The following LRMDA variants were observed in gnomAD, a reference collection of about 807,000 sequenced individuals.
The protein encoded by LRMDA is leucine-rich melanocyte differentiation-associated protein.
In LRMDA, 18 loss-of-function variants were observed where a neutral mutation model predicts 29.8. The ratio of observed to expected loss-of-function variants is 0.60; its 90% CI spans 0.42 to 0.90. The LOEUF (loss-of-function observed/expected upper bound fraction) is 0.90. Among genes scored for constraint, LRMDA ranks in the 40% least tolerant of loss-of-function variants. LRMDA has a pLI of 0.00. For missense variants in LRMDA, 273 were observed against 273.9 expected (o/e 1.00, Z 0.02); for synonymous variants, 125 against 109.4 (o/e 1.14, Z -0.89).
chr10:76,308,470 A>G (rs2579784), intron 5 of LRMDA, among the ~76,000 whole-genome samples: 108,566 of 152,076 alleles, frequency 0.71, 42,107 homozygotes, highest in Non-Finnish European at 0.9. Flanking sequence ...TTCCCCTCCC[A>G]AGACTACTTC....
chr10:75,598,091 A>G (rs561236104), intron 2 of LRMDA, among the ~76,000 whole-genome samples: 1 of 152,180 alleles, frequency 6.6e-6, no homozygotes, highest in East Asian at 1.9e-4. Context: ...CTTAAATGAC[A>G]CGTTGTTAGC....
intron 6 of LRMDA, among the ~76,000 whole-genome samples, chr10:76,397,491 C>T (rs973031175): frequency 6.6e-6 from 1 of 152,222 alleles, no homozygotes. Context: ...GGCCAACTGA[C>T]CACTTCATAA....
chr10:75,797,932 C>T (rs1340741637), intron 2 of LRMDA, among the ~76,000 whole-genome samples: 3 of 152,100 alleles, frequency 2.0e-5, no homozygotes, highest in Non-Finnish European at 2.9e-5. Context: ...ACATTTATGC[C>T]ATCAGTATAT....
intron 4 of LRMDA, among the ~76,000 whole-genome samples, chr10:76,055,551 C>T (rs751623122): frequency 6.6e-5 from 10 of 152,322 alleles, no homozygotes; most frequent in South Asian, 2.1e-4. Flanking sequence ...TCCACCTACT[C>T]GGCCTGGTGG....
rs535746111 is a variant in LRMDA, at chr10:76,015,379, G to A, written c.132-20629G>A. Among the ~76,000 whole-genome samples, 52 of 152,248 alleles carry A rather than the reference G, an allele frequency of 3.4e-4. No homozygotes were observed. The South Asian group carries it at 5.8e-3, about 17-fold the overall frequency. Reference sequence around the variant, plus strand: ...AAGCTCATTCACGTGATTGTGGGTGGGATTCGGTTCCACATGAAACTAAGG... The same window carrying A: ...AAGCTCATTCACGTGATTGTGGGTGAGATTCGGTTCCACATGAAACTAAGG... On this transcript the variant is annotated intron_variant, in intron 2 of 6. Transcript: ENST00000611255.
intron 3 of LRMDA, among the ~76,000 whole-genome samples, chr10:76,036,536 T>C (rs1848249634): frequency 6.6e-6 from 1 of 152,208 alleles, no homozygotes; most frequent in Admixed American, 6.5e-5. Context: ...TCCCGGGTAA[T>C]GCCGCCAAGC....
intron 5 of LRMDA, 40 bp from the exon 6 acceptor site, chr10:76,324,361 T>G: frequency 6.4e-7 from 1 of 1,559,522 alleles, no homozygotes; most frequent in Admixed American, 1.7e-5. Context: ...GTATTTGGTG[T>G]TTGGTGTTGC....
At chr10:76,507,058 G>A (rs371640128) in intron 6 of LRMDA, among the ~76,000 whole-genome samples, 18 of 152,008 alleles carry the variant, frequency 1.2e-4, no homozygotes, top group African/African-American at 2.2e-4. Context: ...AATTCCCACC[G>A]TAAGTATATG....
At chr10:75,575,956 A>G (rs1442983577) in intron 2 of LRMDA, among the ~76,000 whole-genome samples, 1 of 149,942 alleles carries the variant, frequency 6.7e-6, no homozygotes, top group African/African-American at 2.5e-5. Context: ...ACACCGAGCT[A>G]GCCACAGGAG....
At position 75,431,687 on chromosome 10, in the gene LRMDA, C is replaced by A. The variant is rs552998554; in HGVS notation, c.-38C>A. On this transcript the variant is annotated 5_prime_UTR_variant, in exon 1 of 7. Coordinates refer to ENST00000611255, the MANE Select transcript of LRMDA (RefSeq NM_001305581.2). ...CTCCCCGCTGCTGCCGCCGCGCCCCCGCGCTCCGTCCCGCGCGCCCGCAGC... is the reference window on the plus strand; with the variant it reads ...CTCCCCGCTGCTGCCGCCGCGCCCCAGCGCTCCGTCCCGCGCGCCCGCAGC... The A allele has an allele frequency of 2.2e-5, 28 of 1,280,590 alleles. No individual in the cohort carries two copies. The highest frequency in any genetic ancestry group is 2.5e-5 in the Non-Finnish European group (25 of 1,019,706). 79.3% of individuals were successfully genotyped at this position (1,280,590 alleles called of 1,614,324 possible).
At chr10:75,900,604 GC>G (rs1845654175) in intron 2 of LRMDA, among the ~76,000 whole-genome samples, 1 of 152,074 alleles carries the variant, frequency 6.6e-6, no homozygotes, top group South Asian at 2.1e-4. Context: ...GCAGTGCATT[GC>G]CCCCCAGCCC....
At chr10:76,209,300 GC>G (rs1402271712) in intron 5 of LRMDA, among the ~76,000 whole-genome samples, 1 of 152,044 alleles carries the variant, frequency 6.6e-6, no homozygotes, top group Non-Finnish European at 1.5e-5. Flanking sequence ...CCTCCTCACA[GC>G]CTCCTAGATA....
chr10:76,353,832 T>G (rs1231435990), intron 6 of LRMDA, among the ~76,000 whole-genome samples: 1 of 152,142 alleles, frequency 6.6e-6, no homozygotes, highest in East Asian at 1.9e-4. Flanking sequence ...TTCTGTTCCA[T>G]TACTTTGTAA....
At chr10:76,352,494 C>G (rs1841189652) in intron 6 of LRMDA, among the ~76,000 whole-genome samples, 1 of 152,076 alleles carries the variant, frequency 6.6e-6, no homozygotes, top group Non-Finnish European at 1.5e-5. Flanking sequence ...AATGGACACA[C>G]TGGACATAGC....
At chr10:76,380,156 C>T (rs964163610) in intron 6 of LRMDA, among the ~76,000 whole-genome samples, 6 of 152,088 alleles carry the variant, frequency 3.9e-5, no homozygotes, top group African/African-American at 1.2e-4. Flanking sequence ...ATATTCCATG[C>T]GTAGATGAGA....
intron 2 of LRMDA, among the ~76,000 whole-genome samples, chr10:75,989,590 C>T (rs74147613): frequency 0.012 from 1,889 of 152,326 alleles, 33 homozygotes; most frequent in African/African-American, 0.041. Context: ...CAGATCCAAA[C>T]TGTATCAATG....
chr10:76,217,456 G>A (rs959257597), intron 5 of LRMDA, among the ~76,000 whole-genome samples: 9 of 152,254 alleles, frequency 5.9e-5, no homozygotes, highest in Admixed American at 5.2e-4. Flanking sequence ...ATAGAACCTG[G>A]CTGGGGGGGA....
chr10:75,953,016 A>C (rs1178005026), intron 2 of LRMDA, among the ~76,000 whole-genome samples: 1 of 152,042 alleles, frequency 6.6e-6, no homozygotes, highest in Non-Finnish European at 1.5e-5. Flanking sequence ...CAGTCTCCCA[A>C]AGTTCTGGGA....
intron 6 of LRMDA, among the ~76,000 whole-genome samples, chr10:76,466,746 C>G (rs1842568609): frequency 6.6e-6 from 1 of 152,132 alleles, no homozygotes; most frequent in Non-Finnish European, 1.5e-5. Flanking sequence ...GAGCTATGAT[C>G]ACACCACTGC....
Sources: gnomAD v4.1 joint callset for allele counts (sites outside exome capture counted in the v4.1 genomes callset) on GRCh38, gnomAD v4.1.1 for gene constraint, MANE v1.5 for transcripts, NCBI Gene and HGNC (gene_info 2026-07-23, HGNC 2026-07-21) for gene names.